Variants in WWC2 observed in about 807,000 individuals in gnomAD.
The protein encoded by WWC2 is protein WWC2.
In WWC2, 101 loss-of-function variants were observed where a neutral mutation model predicts 138.5. That is an observed-to-expected ratio of 0.73 (90% confidence interval 0.62 to 0.86). WWC2 has a LOEUF of 0.86. Among genes scored for constraint, WWC2 ranks in the 40% least tolerant of loss-of-function variants. The pLI, the probability that WWC2 is intolerant of heterozygous loss-of-function variation, is 0.00. For synonymous variants in WWC2, 558 were observed against 538.4 expected, an observed-to-expected ratio of 1.04 and a Z score of -0.50; for missense variants, 1,420 against 1,419.4, an observed-to-expected ratio of 1.00 and a Z score of -0.01.
intron 2 of WWC2, among the ~76,000 whole-genome samples, chr4:183,204,559 C>A (rs1235746118): frequency 1.3e-5 from 2 of 152,150 alleles, no homozygotes; most frequent in Admixed American, 1.3e-4. Context: ...TATCAGTCAT[C>A]ATCAGTCATT....
chr4:183,151,739 G>A (rs1733640205), intron 1 of WWC2, among the ~76,000 whole-genome samples: 1 of 152,134 alleles, frequency 6.6e-6, no homozygotes, highest in South Asian at 2.1e-4. Flanking sequence ...AAGGGATCCA[G>A]TTTCAGCTTT....
intron 17 of WWC2, 49 bp from the exon 18 acceptor site, chr4:183,282,659 A>T: frequency 6.5e-7 from 1 of 1,534,868 alleles, no homozygotes; most frequent in African/African-American, 1.4e-5. Flanking sequence ...TTGCGTGTTC[A>T]TGGAGCATGC....
chr4:183,219,368 A>G (rs1448369104), intron 4 of WWC2, among the ~76,000 whole-genome samples: 3 of 152,198 alleles, frequency 2.0e-5, no homozygotes, highest in Non-Finnish European at 4.4e-5. Context: ...CAGACAAACA[A>G]GAGAACTGAG....
intron 1 of WWC2, among the ~76,000 whole-genome samples, chr4:183,191,169 A>G (rs1201755938): frequency 1.3e-5 from 2 of 152,188 alleles, no homozygotes; most frequent in African/African-American, 4.8e-5. Context: ...CCTAGGGTGT[A>G]GGAATTTTTG....
intron 1 of WWC2, among the ~76,000 whole-genome samples, chr4:183,161,534 A>G (rs950992200): frequency 6.6e-6 from 1 of 152,228 alleles, no homozygotes; most frequent in Admixed American, 6.5e-5. Flanking sequence ...CGAATTGAAC[A>G]TAGAGTTATA....
At chr4:183,269,752 T>G (rs1218391265) in intron 15 of WWC2, 1 of 252,660 alleles carries the variant, frequency 4.0e-6, no homozygotes, top group African/African-American at 2.2e-5. Context: ...CTCATTCTCC[T>G]CCACCACAGT....
intron 1 of WWC2, among the ~76,000 whole-genome samples, chr4:183,175,294 C>G (rs2111171474): frequency 6.6e-6 from 1 of 152,244 alleles, no homozygotes; most frequent in South Asian, 2.1e-4. Context: ...GAGGCAGTGT[C>G]TCTGTTGCCC....
At chr4:183,178,513 C>T (rs6837368) in intron 1 of WWC2, among the ~76,000 whole-genome samples, 147,966 of 150,718 alleles carry the variant, frequency 0.98, 72,678 homozygotes, top group Middle Eastern at 1. Context: ...CCCAGGAGTT[C>T]GAGGCTGCAG....
chr4:183,264,109 T>G (rs892875429), intron 11 of WWC2, among the ~76,000 whole-genome samples: 1 of 152,194 alleles, frequency 6.6e-6, no homozygotes, highest in Non-Finnish European at 1.5e-5. Flanking sequence ...GAGAAGGCAC[T>G]TCATCATCAA....
At chr4:183,102,063 G>A (rs1213887132) in intron 1 of WWC2, among the ~76,000 whole-genome samples, 2 of 152,314 alleles carry the variant, frequency 1.3e-5, no homozygotes, top group African/African-American at 2.4e-5. Flanking sequence ...GAATGCTGAA[G>A]CATTATTCTA....
At chr4:183,164,365 TATTATATATACA>T (rs1188010501) in intron 1 of WWC2, among the ~76,000 whole-genome samples, 18 of 618 alleles carry the variant, frequency 0.029, 1 homozygote, top group African/African-American at 0.094. Context: ...TACATATATA[TATTATATATACA>T]TATATATATT....
chr4:183,216,350 G>A (rs1490364570), intron 4 of WWC2, among the ~76,000 whole-genome samples: 1 of 152,144 alleles, frequency 6.6e-6, no homozygotes, highest in Non-Finnish European at 1.5e-5. Flanking sequence ...TTCAAGAGTC[G>A]TCAGCTGGAT....
intron 20 of WWC2, among the ~76,000 whole-genome samples, chr4:183,286,814 G>C (rs1164369184): frequency 6.6e-6 from 1 of 152,112 alleles, no homozygotes; most frequent in Non-Finnish European, 1.5e-5. Flanking sequence ...ACACACACAG[G>C]ACTGTCACAA....
chr4:183,181,110 A>G (rs539512736), intron 1 of WWC2, among the ~76,000 whole-genome samples: 3 of 152,338 alleles, frequency 2.0e-5, no homozygotes, highest in Non-Finnish European at 2.9e-5. Context: ...ATAATTAACT[A>G]TAGTATATAG....
Position 183,271,010 on chromosome 4 carries a change from C to T in WWC2, c.2401-70C>T, listed in dbSNP as rs1354716621. On this transcript the variant is annotated intron_variant, in intron 15 of 22. Coordinates refer to ENST00000403733, the MANE Select transcript of WWC2 (RefSeq NM_024949.6). ...TTCAATAATCTTTATTATATCAGAA[C>T]AAATACTAATTTAAACATTTTATTT... is the stretch of plus-strand genomic sequence containing the variant. The T allele has an allele frequency of 4.5e-6, 6 of 1,332,144 alleles. No individual in the cohort carries two copies. In the East Asian group the frequency reaches 1.3e-4, roughly 29 times the overall value. The allele number at this position is 1,332,144 out of a possible 1,614,324, so 82.5% of individuals were successfully genotyped here.
chr4:183,269,357 A>C, intron 15 of WWC2, 194 bp downstream of exon 15: 1 of 723,922 alleles, frequency 1.4e-6, no homozygotes, highest in African/African-American at 1.7e-5. Context: ...GACCTTTAAA[A>C]TCTGCTTATA....
At chr4:183,232,377 C>T (rs1397573699) in intron 4 of WWC2, among the ~76,000 whole-genome samples, 1 of 152,072 alleles carries the variant, frequency 6.6e-6, no homozygotes, top group Non-Finnish European at 1.5e-5. Context: ...CATTTTTGCC[C>T]TGCCCCCAGA....
At chr4:183,124,139 T>A (rs1320809270) in intron 1 of WWC2, among the ~76,000 whole-genome samples, 1 of 152,230 alleles carries the variant, frequency 6.6e-6, no homozygotes, top group Non-Finnish European at 1.5e-5. Flanking sequence ...ACCCAAACAG[T>A]TCCTGTTAGT....
chr4:183,142,759 G>A (rs1733338141), intron 1 of WWC2, among the ~76,000 whole-genome samples: 1 of 152,216 alleles, frequency 6.6e-6, no homozygotes. Flanking sequence ...CTAGAGCCAT[G>A]TGGCGTATGT....
Sources: allele counts gnomAD v4.1 joint callset (sites outside exome capture counted in the v4.1 genomes callset), GRCh38; gene constraint gnomAD v4.1.1; transcripts MANE v1.5; gene names NCBI Gene and HGNC (gene_info 2026-07-23, HGNC 2026-07-21).